STT3B: variants seen among roughly 807,000 people sequenced by gnomAD.
The protein encoded by STT3B is dolichyl-diphosphooligosaccharide--protein glycosyltransferase subunit STT3B.
STT3B carries 29 observed loss-of-function variants against 96.8 expected under a neutral mutation model. That is an observed-to-expected ratio of 0.30 (90% CI 0.22 to 0.41). The LOEUF (loss-of-function observed/expected upper bound fraction) is 0.41. STT3B is among the 10% of genes least tolerant of loss of function. The pLI is 1.00. For missense variants in STT3B, 640 were observed against 1,022.3 expected, an observed-to-expected ratio of 0.63 and a Z score of 5.10; for synonymous variants, 367 against 360.0, an observed-to-expected ratio of 1.02 and a Z score of -0.22.
chr3:31,614,996 CT>C, intron 5 of STT3B, 108 bp from the exon 6 acceptor site: 1 of 563,128 alleles, frequency 1.8e-6, no homozygotes, highest in Non-Finnish European at 3.1e-6. Flanking sequence ...AGATTCTGTT[CT>C]TAAATTCAGT....
At chr3:31,626,716 G>T (rs1699546463) in intron 13 of STT3B, among the ~76,000 whole-genome samples, 1 of 152,266 alleles carries the variant, frequency 6.6e-6, no homozygotes, top group East Asian at 1.9e-4. Context: ...GGCCGACTAG[G>T]TTATCTTTTG....
intron 3 of STT3B, among the ~76,000 whole-genome samples, chr3:31,581,488 C>T (rs917656016): frequency 3.3e-5 from 5 of 152,150 alleles, no homozygotes; most frequent in Non-Finnish European, 7.4e-5. Context: ...AAATCACCCA[C>T]AGTGAACTAC....
At chr3:31,541,016 T>A (rs988808394) in intron 1 of STT3B, among the ~76,000 whole-genome samples, 8 of 152,248 alleles carry the variant, frequency 5.3e-5, no homozygotes, top group African/African-American at 1.9e-4. Context: ...ATCTTATTTA[T>A]GTAACCCACA....
intron 3 of STT3B, among the ~76,000 whole-genome samples, chr3:31,580,498 C>T (rs1698358916): frequency 6.6e-6 from 1 of 151,842 alleles, no homozygotes; most frequent in South Asian, 2.1e-4. Flanking sequence ...TGATTTTTTC[C>T]CCTGTGTATG....
At chr3:31,603,232 C>T (rs954000050) in intron 5 of STT3B, among the ~76,000 whole-genome samples, 5 of 152,024 alleles carry the variant, frequency 3.3e-5, no homozygotes, top group African/African-American at 1.2e-4. Context: ...GTTGTGTCCT[C>T]TTTGAGTAGA....
chr3:31,541,846 G>A (rs1359688243), intron 1 of STT3B, among the ~76,000 whole-genome samples: 1 of 152,204 alleles, frequency 6.6e-6, no homozygotes, highest in Non-Finnish European at 1.5e-5. Context: ...AAAGTGCTGG[G>A]ATTACAGGCG....
intron 14 of STT3B, among the ~76,000 whole-genome samples, chr3:31,630,845 G>A (rs1699641111): frequency 6.6e-6 from 1 of 151,882 alleles, no homozygotes; most frequent in Non-Finnish European, 1.5e-5. Context: ...CGCCCAGGCT[G>A]GAGTACAGTG....
intron 4 of STT3B, among the ~76,000 whole-genome samples, chr3:31,600,158 G>A (rs903148722): frequency 6.6e-5 from 10 of 152,138 alleles, no homozygotes; most frequent in Middle Eastern, 3.4e-3. Flanking sequence ...AAAGCATATT[G>A]GATTTGTGGG....
At chr3:31,622,391 A>C in intron 10 of STT3B, 83 bp downstream of exon 10, 1 of 1,118,934 alleles carries the variant, frequency 8.9e-7, no homozygotes, top group South Asian at 1.5e-5. Context: ...ACATATCAAG[A>C]AATGTTATTA....
At chr3:31,622,520 A>G (rs1390146731) in intron 10 of STT3B, among the ~76,000 whole-genome samples, 1 of 152,218 alleles carries the variant, frequency 6.6e-6, no homozygotes, top group East Asian at 1.9e-4. Context: ...CAGAGAAGGA[A>G]TTCCTCTTTT....
At chr3:31,560,425 C>T (rs1354566967) in intron 1 of STT3B, among the ~76,000 whole-genome samples, 3 of 151,980 alleles carry the variant, frequency 2.0e-5, no homozygotes, top group Non-Finnish European at 4.4e-5. Context: ...CTCCCTTGAG[C>T]ATTTCTTGTA....
intron 10 of STT3B, among the ~76,000 whole-genome samples, chr3:31,623,435 T>C (rs573999360): frequency 1.3e-5 from 2 of 152,334 alleles, no homozygotes; most frequent in East Asian, 3.9e-4. Flanking sequence ...AGCTTCTTAC[T>C]GGAGATAATT....
At chr3:31,609,167 A>G (rs1001596858) in intron 5 of STT3B, among the ~76,000 whole-genome samples, 1 of 152,174 alleles carries the variant, frequency 6.6e-6, no homozygotes, top group Admixed American at 6.5e-5. Flanking sequence ...TTTAGTGGCA[A>G]CATGACTTGT....
intron 1 of STT3B, among the ~76,000 whole-genome samples, chr3:31,542,508 T>A (rs1188275446): frequency 1.3e-5 from 2 of 152,208 alleles, no homozygotes. Context: ...GGACTGTCTT[T>A]CTTCAAACTC....
chr3:31,572,035 T>TGATATATTA, intron 1 of STT3B, among the ~76,000 whole-genome samples: 1 of 46,302 alleles, frequency 2.2e-5, no homozygotes, highest in African/African-American at 3.8e-5. Context: ...TATATTAATA[T>TGATATATTA]ATGATATATT....
At chr3:31,590,270 C>G (rs149972211) in intron 3 of STT3B, among the ~76,000 whole-genome samples, 2,490 of 151,898 alleles carry the variant, frequency 0.016, 35 homozygotes, top group Middle Eastern at 0.048. Flanking sequence ...CTTTGGGTTT[C>G]ACTGATTTTT....
chr3:31,583,566 A>G (rs1394163526), intron 3 of STT3B, among the ~76,000 whole-genome samples: 1 of 152,138 alleles, frequency 6.6e-6, no homozygotes. Flanking sequence ...TTTGGTTACT[A>G]TTTGCATGGA....
chr3:31,594,770 A>G (rs545678342), intron 3 of STT3B, among the ~76,000 whole-genome samples: 2 of 152,172 alleles, frequency 1.3e-5, no homozygotes, highest in African/African-American at 4.8e-5. Flanking sequence ...GAACTCAAGG[A>G]AACACTTAGT....
chr3:31,622,098 T>G lies in STT3B; in HGVS notation c.1329T>G (p.Val443=). 6.2e-7 allele frequency: 1 copy of G among 1,613,160 alleles called. No homozygotes were observed. Among genetic ancestry groups the G allele is most frequent in the Non-Finnish European group, 8.5e-7 (1 of 1,179,100 alleles). The part of the protein sequence containing the change: ...IKNINDERVF[V]ALYAISAVYF... The stretch of plus-strand genomic sequence containing the variant: ...TTGTAAGAGAATTTGTCTTTGCAGT[T>G]GCTCTATATGCAATCAGTGCTGTCT... The change falls in exon 10 of 16, where the codon GTT becomes GTG. Residue 443 remains valine (V), a splice_region_variant and synonymous_variant. Coordinates refer to ENST00000295770, the MANE Select transcript of STT3B (RefSeq NM_178862.3).
Sources: gnomAD v4.1 joint callset for allele counts (sites outside exome capture counted in the v4.1 genomes callset) on GRCh38, gnomAD v4.1.1 for gene constraint, MANE v1.5 for transcripts, NCBI Gene and HGNC (gene_info 2026-07-23, HGNC 2026-07-21) for gene names.